Variants in RSU1 observed in about 807,000 individuals in gnomAD.
The protein encoded by RSU1 is Ras suppressor protein 1.
RSU1 carries 26 observed loss-of-function variants against 31.1 expected under a neutral mutation model. That is an observed-to-expected ratio of 0.84 (90% confidence interval 0.61 to 1.16). RSU1 has a LOEUF of 1.16. Ranked by LOEUF, RSU1 falls within the 50% of genes most tolerant of loss-of-function variation. RSU1 has a pLI of 0.00. For missense variants in RSU1, 320 were observed against 339.1 expected (o/e 0.94, Z 0.44); for synonymous variants, 164 against 136.3 (o/e 1.20, Z -1.41).
At chr10:16,602,932 CA>C (rs1038115957) in intron 8 of RSU1, among the ~76,000 whole-genome samples, 1 of 152,194 alleles carries the variant, frequency 6.6e-6, no homozygotes, top group African/African-American at 2.4e-5. Context: ...CGGCGGCTAT[CA>C]GGGGCTGGTG....
chr10:16,737,065 G>A (rs1464739828), intron 7 of RSU1, among the ~76,000 whole-genome samples: 1 of 151,734 alleles, frequency 6.6e-6, no homozygotes, highest in Non-Finnish European at 1.5e-5. Context: ...AACAAAACAA[G>A]ATAAAAAGTT....
chr10:16,609,183 T>C (rs1424908648), intron 8 of RSU1, among the ~76,000 whole-genome samples: 1 of 152,128 alleles, frequency 6.6e-6, no homozygotes, highest in Non-Finnish European at 1.5e-5. Context: ...GAAAAATGTA[T>C]GGTCTGCAAG....
rs567955417 is a variant in RSU1, at chr10:16,646,036, A to G, written c.731+48987T>C. Among the ~76,000 whole-genome samples the G allele has an allele frequency of 4.2e-4, 27 of 65,050 alleles. 8 individuals carry two copies. The East Asian group carries it at 0.012, about 28-fold the overall frequency. 42.7% of individuals were successfully genotyped at this position (65,050 alleles called of 152,430 possible). A position where few individuals can be genotyped will look rare whatever the true frequency, so the allele number is the denominator to read the frequency against. On this transcript the variant is annotated intron_variant, in intron 8 of 8. Coordinates refer to ENST00000345264, the MANE Select transcript of RSU1 (RefSeq NM_012425.4). The stretch of plus-strand genomic sequence containing the variant: ...TACATATATGTGTATATATATGTGT[A>G]TATACATATATGTGTATATATATAT...
At chr10:16,637,039 A>C (rs1388622673) in intron 8 of RSU1, among the ~76,000 whole-genome samples, 1 of 152,254 alleles carries the variant, frequency 6.6e-6, no homozygotes, top group Admixed American at 6.5e-5. Context: ...AAAAACGGCT[A>C]TGCTTGTATT....
At chr10:16,685,436 A>G (rs1040952181) in intron 8 of RSU1, among the ~76,000 whole-genome samples, 2 of 152,246 alleles carry the variant, frequency 1.3e-5, no homozygotes, top group African/African-American at 4.8e-5. Flanking sequence ...CTCCACAGAC[A>G]GAACAGCCCC....
At chr10:16,613,839 A>G (rs778784951) in intron 8 of RSU1, among the ~76,000 whole-genome samples, 1 of 152,074 alleles carries the variant, frequency 6.6e-6, no homozygotes, top group Non-Finnish European at 1.5e-5. Flanking sequence ...TTCCCCAGAC[A>G]TGACATCTTG....
chr10:16,700,859 T>C (rs1040454036), intron 7 of RSU1, among the ~76,000 whole-genome samples: 3 of 152,248 alleles, frequency 2.0e-5, no homozygotes, highest in Non-Finnish European at 4.4e-5. Context: ...GAGTTATTTG[T>C]ATGCACTGAC....
At chr10:16,694,070 G>A (rs942859574) in intron 8 of RSU1, among the ~76,000 whole-genome samples, 10 of 151,924 alleles carry the variant, frequency 6.6e-5, no homozygotes, top group Admixed American at 2.6e-4. Context: ...AAATAATGAC[G>A]GTACATATAA....
At chr10:16,780,000 GA>G (rs200301164) in intron 3 of RSU1, among the ~76,000 whole-genome samples, 2 of 149,998 alleles carry the variant, frequency 1.3e-5, no homozygotes, top group African/African-American at 2.4e-5. Flanking sequence ...TGAAGAAAAG[GA>G]AAAAAAAACT....
At chr10:16,785,461 T>TATATATACACATATATACATATATAC (rs1564357317) in intron 2 of RSU1, among the ~76,000 whole-genome samples, 1,098 of 89,544 alleles carry the variant, frequency 0.012, 52 homozygotes, top group African/African-American at 0.06. Flanking sequence ...CATATATACA[T>TATATATACACATATATACATATATAC]ATATATATAC....
At chr10:16,791,635 C>CAAAAAAAA (rs553951655) in intron 2 of RSU1, among the ~76,000 whole-genome samples, 31 of 98,374 alleles carry the variant, frequency 3.2e-4, no homozygotes, top group East Asian at 3.6e-4. Context: ...CTCAAAAAAA[C>CAAAAAAAA]AAAAAAAAAA....
At chr10:16,742,022 G>A (rs914897832) in intron 7 of RSU1, among the ~76,000 whole-genome samples, 2 of 152,044 alleles carry the variant, frequency 1.3e-5, no homozygotes, top group Admixed American at 1.3e-4. Flanking sequence ...TCAGATTCTG[G>A]TATGGTTAAG....
At chr10:16,662,180 C>T (rs576890584) in intron 8 of RSU1, among the ~76,000 whole-genome samples, 1 of 152,174 alleles carries the variant, frequency 6.6e-6, no homozygotes, top group Non-Finnish European at 1.5e-5. Context: ...TTCTGTAACA[C>T]CCACACAGCT....
At chr10:16,722,821 T>G (rs770443238) in intron 7 of RSU1, among the ~76,000 whole-genome samples, 1 of 148,304 alleles carries the variant, frequency 6.7e-6, no homozygotes, top group African/African-American at 2.5e-5. Flanking sequence ...CATATATACA[T>G]GTATACAGCC....
chr10:16,607,246 G>C (rs991523538), intron 8 of RSU1, among the ~76,000 whole-genome samples: 5 of 152,106 alleles, frequency 3.3e-5, no homozygotes, highest in Non-Finnish European at 1.5e-5. Context: ...AGTTTCCTGA[G>C]ACCTCCCCAG....
intron 3 of RSU1, among the ~76,000 whole-genome samples, chr10:16,771,192 G>A (rs1837418854): frequency 6.6e-6 from 1 of 152,144 alleles, no homozygotes; most frequent in Non-Finnish European, 1.5e-5. Flanking sequence ...AGGTGAAAAT[G>A]AGTGAGGCTC....
chr10:16,813,515 C>G (rs1838456330), intron 2 of RSU1, among the ~76,000 whole-genome samples: 1 of 152,214 alleles, frequency 6.6e-6, no homozygotes, highest in Non-Finnish European at 1.5e-5. Flanking sequence ...GGATCTAACA[C>G]TAGTTAATAA....
chr10:16,661,840 C>T (rs1462521878), intron 8 of RSU1, among the ~76,000 whole-genome samples: 1 of 152,214 alleles, frequency 6.6e-6, no homozygotes, highest in Non-Finnish European at 1.5e-5. Context: ...TCTCCTTTAG[C>T]ACATTTCTTT....
intron 2 of RSU1, among the ~76,000 whole-genome samples, chr10:16,788,532 C>T (rs540690105): frequency 5.3e-5 from 8 of 152,242 alleles, no homozygotes; most frequent in South Asian, 2.1e-4. Context: ...CAGCCCTCAC[C>T]GGACACAATG....
Sources: gnomAD v4.1 joint callset for allele counts (sites outside exome capture counted in the v4.1 genomes callset) on GRCh38, gnomAD v4.1.1 for gene constraint, MANE v1.5 for transcripts, NCBI Gene and HGNC (gene_info 2026-07-23, HGNC 2026-07-21) for gene names.